COL1A1: variants seen among roughly 807,000 people sequenced by gnomAD.
The protein encoded by COL1A1 is collagen type I alpha 1 chain.
Under a neutral mutation model 195.7 loss-of-function variants are expected in COL1A1, and 21 were observed. The ratio of observed to expected loss-of-function variants is 0.11; its 90% CI spans 0.08 to 0.15. COL1A1 has a LOEUF of 0.15. Ranked by LOEUF, COL1A1 falls within the 10% of genes least tolerant of loss-of-function variation. The pLI, the probability that COL1A1 is intolerant of heterozygous loss-of-function variation, is 1.00. For missense variants in COL1A1, 1,365 were observed against 2,051.0 expected (o/e 0.67, Z 6.46); for synonymous variants, 749 against 747.3 (o/e 1.00, Z -0.04).
chr17:50,189,114 C>A lies in COL1A1; in HGVS notation c.2937+54G>T. ...CTGTTCTCCTTGGCTCCGCCCCACT[C>A]CAAGTCCTGTGATGGTTTTTCTCAG... On this transcript the variant is annotated intron_variant, in intron 40 of 50. Coordinates refer to ENST00000225964, the MANE Select transcript of COL1A1 (RefSeq NM_000088.4). The surrounding 1 kb of genome is among the most constrained non-coding windows in gnomAD (Gnocchi z 5.5). The A allele has an allele frequency of 6.2e-7, 1 of 1,600,212 alleles. No individual in the cohort carries two copies. The highest frequency in any genetic ancestry group is 2.2e-5 in the East Asian group (1 of 44,778).
chr17:50,200,186 G>A, intron 1 of COL1A1: 1 of 578,220 alleles, frequency 1.7e-6, no homozygotes, highest in Non-Finnish European at 3.1e-6. Context: ...CAAAGCTTTA[G>A]TCCGCGGTGG....
rs1567752621 is a variant in COL1A1, at chr17:50,186,656, G to A, written c.3798C>T (p.His1266=). The change falls in exon 48 of 51, where the codon CAC becomes CAT. Residue 1266 remains histidine, a synonymous_variant. Transcript: ENST00000225964. The surrounding 1 kb of genome is among the most constrained non-coding windows in gnomAD (Gnocchi z 5.3). The stretch of plus-strand genomic sequence containing the variant: ...GGCCCTCACCACTCTTCCAGTCAGA[G>A]TGGCACATCTTGAGGTCACGGCAGG... ...ARTCRDLKMC[H]SDWKSGEYWI... The A allele has an allele frequency of 1.9e-6, 3 of 1,613,760 alleles. No homozygotes were observed. The highest frequency in any genetic ancestry group is 2.2e-5 in the East Asian group (1 of 44,872).
intron 31 of COL1A1, 43 bp downstream of exon 31, chr17:50,191,745 G>C: frequency 2.6e-6 from 4 of 1,545,690 alleles, no homozygotes; most frequent in Non-Finnish European, 3.5e-6. Flanking sequence ...GTGAGACCTG[G>C]TCCCTGGGCC....
intron 29 of COL1A1, 175 bp downstream of exon 29, chr17:50,192,300 T>C (rs747195375): frequency 1.4e-5 from 11 of 793,986 alleles, no homozygotes; most frequent in Non-Finnish European, 2.1e-5. Flanking sequence ...TCACCCAGAC[T>C]AGCAATCATG....
chr17:50,191,743 T>G (rs1156454237), intron 31 of COL1A1, 45 bp downstream of exon 31: 1 of 1,544,284 alleles, frequency 6.5e-7, no homozygotes, highest in Middle Eastern at 1.8e-4. Context: ...GGGTGAGACC[T>G]GGTCCCTGGG....
At position 50,191,998 on chromosome 17, in the gene COL1A1, A is replaced by G. The variant is rs766672358; in HGVS notation, c.2010T>C (p.Pro670=). ...EQGVPGDLGA[P]GPSGARGERG... is the part of the protein sequence containing the mutation. ...TACTTACTCTTGCTCCAGAGGGGCC[A>G]GGGGCGCCAAGGTCTCCAGGAACAC... Residue 670 remains proline, a synonymous_variant, in exon 30 of 51, where the codon CCT becomes CCC. Transcript: ENST00000225964. The G allele has an allele frequency of 6.2e-7, 1 of 1,613,002 alleles. No homozygotes were observed. Among genetic ancestry groups the G allele is most frequent in the East Asian group, 2.2e-5 (1 of 44,884 alleles).
In COL1A1 at chr17:50,197,935, T is replaced by C. The variant is rs776240525; in HGVS notation, c.642+14A>G. ...TTTGTAGAAGGAGTATGAATCTGTA[T>C]AGAGAGTGCTTACTGAAGCTCCAGG... On this transcript the variant is annotated intron_variant, in intron 8 of 50. Transcript: ENST00000225964. The C allele has an allele frequency of 2.7e-5, 44 of 1,613,414 alleles. No homozygotes were observed. Among genetic ancestry groups the C allele is most frequent in the Non-Finnish European group, 3.4e-5 (40 of 1,179,584 alleles).
chr17:50,197,848 T>C (rs1907729941), intron 8 of COL1A1, 63 bp from the exon 9 acceptor site: 1 of 1,592,168 alleles, frequency 6.3e-7, no homozygotes, highest in African/African-American at 1.3e-5. Context: ...AAGGCTGGGA[T>C]TGAAGGGAAG....
rs767250343 is a variant in COL1A1 at position 50,185,521 on chromosome 17, C to G, written c.4376G>C (p.Gly1459Ala). 1.8e-5 allele frequency: 29 copies of G among 1,613,162 alleles called. No individual in the cohort carries two copies. The highest frequency in any genetic ancestry group is 3.3e-4 in the Middle Eastern group (2 of 6,084). The change falls in exon 51 of 51, where the codon GGC (glycine) becomes GCC (alanine). Residue 1459 changes from glycine to alanine, a missense_variant. Gly to Ala is a moderately conservative substitution (Grantham distance 60). Around this residue, in one of 5 missense-constraint regions of COL1A1, gnomAD observed 273 missense variants for 338.6 expected, o/e 0.81. Coordinates refer to ENST00000225964, the MANE Select transcript of COL1A1 (RefSeq NM_000088.4). The stretch of plus-strand genomic sequence containing the variant: ...GGGAGTTTACAGGAAGCAGACAGGG[C>G]CAACGTCGAAGCCGAATTCCTGGTC... The part of the protein sequence containing the change: ...APDQEFGFDV[G>A]PVCFL
In COL1A1 at chr17:50,188,069, G is replaced by T; in HGVS notation, c.3261+27C>A. On this transcript the variant is annotated intron_variant, in intron 44 of 50. Coordinates refer to ENST00000225964, the MANE Select transcript of COL1A1 (RefSeq NM_000088.4). This position sits in a 1 kb window ranked among gnomAD's most constrained non-coding sequence, Gnocchi z 5.6. ...TGTCTGCATCTGTAGAGTTCTAAAG[G>T]CATGGGGGACACAGCAGGGTACTTA... 2 of 1,613,072 alleles carry T rather than the reference G, an allele frequency of 1.2e-6. No individual in the cohort carries two copies. The highest frequency in any genetic ancestry group is 2.2e-5 in the East Asian group (1 of 44,868).
At chr17:50,185,669 C>T (rs778301848) in intron 50 of COL1A1, 21 bp from the exon 51 acceptor site, 39 of 1,612,482 alleles carry the variant, frequency 2.4e-5, no homozygotes, top group Admixed American at 5.0e-5. Flanking sequence ...GCGGAGACAA[C>T]GGGAGGGGGC....
chr17:50,196,822 C>T, intron 11 of COL1A1, 152 bp from the exon 12 acceptor site: 2 of 1,154,170 alleles, frequency 1.7e-6, no homozygotes, highest in Middle Eastern at 2.3e-4. Context: ...CTAGATCTCA[C>T]CCAATCGTTT....
chr17:50,184,820 G>GTGCT lies in COL1A1; in HGVS notation c.*681_*682insAGCA, dbSNP rs3840870. On this transcript the variant is annotated 3_prime_UTR_variant, in exon 51 of 51. Transcript: ENST00000225964. ...CCAAATCCGATGTTTCTGCTTTGTC[G>GTGCT]TGGCCCTTCCTGACTCTCCTCCGAA... The GTGCT allele has an allele frequency of 0.64, 146,843 of 231,036 alleles. 47,325 individuals carry two copies. Among genetic ancestry groups the GTGCT allele is most frequent in the Admixed American group, 0.7 (12,307 of 17,684 alleles). The allele number at this position is 231,036 out of a possible 1,614,324, so 14.3% of individuals were successfully genotyped here.
At chr17:50,200,315 G>T in intron 1 of COL1A1, 1 of 372,178 alleles carries the variant, frequency 2.7e-6, no homozygotes, top group Non-Finnish European at 5.2e-6. Context: ...AGGCTCGTGG[G>T]GAGTGGCTTG....
intron 32 of COL1A1, 29 bp downstream of exon 32, chr17:50,191,354 G>T: frequency 6.3e-7 from 1 of 1,587,080 alleles, no homozygotes; most frequent in African/African-American, 1.3e-5. Context: ...GCCATGTAGG[G>T]CTCAGGGGAG....
chr17:50,200,077 A>T, intron 1 of COL1A1, 130 bp from the exon 2 acceptor site: 4 of 1,045,934 alleles, frequency 3.8e-6, no homozygotes, highest in Non-Finnish European at 5.9e-6. Flanking sequence ...TCTTTCCTCA[A>T]ATCCTTAAAA....
chr17:50,191,593 C>A (rs146777183), intron 31 of COL1A1, 103 bp from the exon 32 acceptor site: 9 of 1,239,634 alleles, frequency 7.3e-6, no homozygotes, highest in African/African-American at 1.5e-5. Flanking sequence ...CCAAGGCCAA[C>A]GACAAGCCTT....
At chr17:50,198,124 G>A in intron 7 of COL1A1, 37 bp downstream of exon 7, 1 of 1,613,254 alleles carries the variant, frequency 6.2e-7, no homozygotes, top group Non-Finnish European at 8.5e-7. Flanking sequence ...AAAGACCAAA[G>A]CCCAAGGAGG....
At chr17:50,201,388 A>G (rs1398835904) in intron 1 of COL1A1, 23 bp downstream of exon 1, 2 of 1,610,836 alleles carry the variant, frequency 1.2e-6, no homozygotes, top group Admixed American at 1.7e-5. Context: ...GTATCCTTGC[A>G]CTCCCAAAAG....
Sources: gnomAD v4.1 joint callset for allele counts on GRCh38, gnomAD v4.1.1 for gene constraint, gnomAD v4.1.1 regional missense constraint, Gnocchi (gnomAD v3.1) non-coding constraint, MANE v1.5 for transcripts, NCBI Gene and HGNC (gene_info 2026-07-23, HGNC 2026-07-21) for gene names.